CCL28: variants seen among roughly 807,000 people sequenced by gnomAD.
CCL28 encodes C-C motif chemokine ligand 28, also known as C-C motif chemokine 28.
Under a neutral mutation model 7.1 loss-of-function variants are expected in CCL28, and 4 were observed. That is an observed-to-expected ratio of 0.56 (90% CI 0.28 to 1.29). CCL28 has a LOEUF of 1.29. CCL28 is among the 50% of genes most tolerant of loss of function. CCL28 has a pLI of 0.11. For synonymous variants in CCL28, 55 were observed against 57.8 expected (o/e 0.95, Z 0.22); for missense variants, 151 against 163.4 (o/e 0.92, Z 0.41).
the CCL28 span, among the ~76,000 whole-genome samples, chr5:43,364,488 G>A: frequency 6.6e-6 from 1 of 151,954 alleles, no homozygotes; most frequent in Admixed American, 6.6e-5. Context: ...ACAATGTGTT[G>A]ATAAAAATAA....
At position 43,412,387 on chromosome 5, in the gene CCL28, G is replaced by T; in HGVS notation, c.-71C>A. On this transcript the variant is annotated 5_prime_UTR_variant, in exon 1 of 3. Coordinates refer to ENST00000361115, the MANE Select transcript of CCL28 (RefSeq NM_148672.3). Reference sequence around the variant, plus strand: ...TCGATCAGGAAATGAGGCTAAAGGTGTCCTTGGGCACAGAGAAAGTGCAGA... The same window carrying T: ...TCGATCAGGAAATGAGGCTAAAGGTTTCCTTGGGCACAGAGAAAGTGCAGA... The T allele has an allele frequency of 1.4e-6, 2 of 1,413,376 alleles. No individual in the cohort carries two copies. The highest frequency in any genetic ancestry group is 1.4e-5 in the African/African-American group (1 of 71,392). 87.6% of individuals were successfully genotyped at this position (1,413,376 alleles called of 1,614,324 possible).
chr5:43,398,251 T>C (rs1482160022), intron 1 of CCL28, among the ~76,000 whole-genome samples: 2 of 152,134 alleles, frequency 1.3e-5, no homozygotes, highest in Admixed American at 6.5e-5. Context: ...GATCTTGCTC[T>C]GTCACCCAAG....
chr5:43,362,991 A>T, the CCL28 span, among the ~76,000 whole-genome samples: 1 of 152,222 alleles, frequency 6.6e-6, no homozygotes, highest in African/African-American at 2.4e-5. Flanking sequence ...GATTTGTTCT[A>T]CTTACTTGGG....
chr5:43,384,089 T>G (rs1196260910), intron 2 of CCL28: 2 of 154,506 alleles, frequency 1.3e-5, no homozygotes, highest in East Asian at 3.9e-4. Context: ...AAACTCCGTC[T>G]CAAAAAGAAA....
intron 2 of CCL28, among the ~76,000 whole-genome samples, chr5:43,387,044 G>A (rs1740366087): frequency 6.6e-6 from 1 of 152,140 alleles, no homozygotes; most frequent in Non-Finnish European, 1.5e-5. Flanking sequence ...ATAAGCAATG[G>A]GTTTATTTAT....
At chr5:43,393,285 T>A (rs1336800877) in intron 1 of CCL28, among the ~76,000 whole-genome samples, 1 of 151,996 alleles carries the variant, frequency 6.6e-6, no homozygotes, top group Non-Finnish European at 1.5e-5. Flanking sequence ...CCGCCCACCT[T>A]GGCCTCCCCA....
the CCL28 span, among the ~76,000 whole-genome samples, chr5:43,362,631 A>G: frequency 6.6e-6 from 1 of 152,332 alleles, no homozygotes; most frequent in Admixed American, 6.5e-5. Context: ...TTATTTACAT[A>G]GCAGTCATTG....
At chr5:43,360,431 C>T in the CCL28 span, among the ~76,000 whole-genome samples, 2 of 152,102 alleles carry the variant, frequency 1.3e-5, no homozygotes, top group African/African-American at 2.4e-5. Context: ...CCACCCTCCA[C>T]CCTCAGGTAG....
At chr5:43,360,506 G>A in the CCL28 span, among the ~76,000 whole-genome samples, 3 of 152,158 alleles carry the variant, frequency 2.0e-5, no homozygotes, top group Non-Finnish European at 4.4e-5. Context: ...CCACTTATAC[G>A]TGAGAACATG....
At chr5:43,367,531 C>A in the CCL28 span, among the ~76,000 whole-genome samples, 1 of 152,246 alleles carries the variant, frequency 6.6e-6, no homozygotes. Flanking sequence ...GGATGCCCCA[C>A]CCTGCTTTGG....
At chr5:43,370,128 T>G in the CCL28 span, among the ~76,000 whole-genome samples, 2 of 152,192 alleles carry the variant, frequency 1.3e-5, no homozygotes, top group Non-Finnish European at 2.9e-5. Context: ...AGACTTCAAG[T>G]GAGACCAGTA....
the CCL28 span, among the ~76,000 whole-genome samples, chr5:43,358,676 C>A: frequency 3.5e-4 from 54 of 152,290 alleles, 1 homozygote; most frequent in African/African-American, 1.3e-3. Context: ...AGTTACTGAG[C>A]AACTCTTATG....
chr5:43,387,865 A>AT (rs928803263), intron 2 of CCL28, among the ~76,000 whole-genome samples: 1 of 152,220 alleles, frequency 6.6e-6, no homozygotes, highest in Non-Finnish European at 1.5e-5. Context: ...GGCTCAAGCG[A>AT]TACCCCTGCC....
chr5:43,363,556 A>G, the CCL28 span, among the ~76,000 whole-genome samples: 1 of 152,226 alleles, frequency 6.6e-6, no homozygotes, highest in Admixed American at 6.5e-5. Context: ...TGAAGTAGAA[A>G]GAATCCACCT....
At chr5:43,387,560 G>A (rs924623541) in intron 2 of CCL28, among the ~76,000 whole-genome samples, 5 of 152,206 alleles carry the variant, frequency 3.3e-5, no homozygotes, top group African/African-American at 1.2e-4. Context: ...ATAGCACTGT[G>A]ACAGGTATAG....
intron 1 of CCL28, among the ~76,000 whole-genome samples, chr5:43,407,853 A>AAGAAGACATTTCTGAAG (rs1480332359): frequency 6.6e-6 from 1 of 152,242 alleles, no homozygotes; most frequent in Non-Finnish European, 1.5e-5. Flanking sequence ...CATTTCTGAA[A>AAGAAGACATTTCTGAAG]AGAAGACATT....
chr5:43,393,635 G>A (rs771439150), intron 1 of CCL28, among the ~76,000 whole-genome samples: 5 of 152,292 alleles, frequency 3.3e-5, no homozygotes, highest in East Asian at 3.9e-4. Flanking sequence ...GATTACAGGC[G>A]TGAGCCACCG....
downstream of CCL28, among the ~76,000 whole-genome samples, chr5:43,378,886 A>G (rs1056024019): frequency 1.3e-5 from 2 of 152,094 alleles, no homozygotes; most frequent in African/African-American, 4.8e-5. Context: ...GCTTGAACCC[A>G]GGAGGCAGAG....
chr5:43,401,607 G>A (rs539556112), intron 1 of CCL28, among the ~76,000 whole-genome samples: 1 of 152,252 alleles, frequency 6.6e-6, no homozygotes, highest in African/African-American at 2.4e-5. Flanking sequence ...TGTGAAGATT[G>A]CATGAGTTTG....
Sources: allele counts gnomAD v4.1 joint callset (sites outside exome capture counted in the v4.1 genomes callset), GRCh38; gene constraint gnomAD v4.1.1; transcripts MANE v1.5; gene names NCBI Gene and HGNC (gene_info 2026-07-23, HGNC 2026-07-21).